The following ABCB1 variants were observed in gnomAD, a reference collection of about 807,000 sequenced individuals.
ABCB1 encodes ATP-dependent translocase ABCB1.
In ABCB1, 69 loss-of-function variants were observed where a neutral mutation model predicts 142.0. That is an observed-to-expected ratio of 0.49 (90% CI 0.40 to 0.59). ABCB1 has a LOEUF of 0.59. Ranked by LOEUF, ABCB1 falls within the 20% of genes least tolerant of loss-of-function variation. The probability of loss-of-function intolerance (pLI) is 0.00; values close to 1 mark genes in which losing one functional copy is unlikely to be tolerated. For missense variants in ABCB1, 1,326 were observed against 1,554.7 expected (o/e 0.85, Z 2.47); for synonymous variants, 532 against 539.2 (o/e 0.99, Z 0.18).
chr7:87,622,802 G>T (rs1820271551), intron 1 of ABCB1, among the ~76,000 whole-genome samples: 1 of 152,032 alleles, frequency 6.6e-6, no homozygotes, highest in African/African-American at 2.4e-5. Context: ...GGGCCAAGAA[G>T]GGAGGATCGC....
intron 4 of ABCB1, among the ~76,000 whole-genome samples, chr7:87,574,512 C>T (rs1003903893): frequency 3.0e-4 from 45 of 152,114 alleles, no homozygotes; most frequent in African/African-American, 9.7e-4. Context: ...CCCTTTCTAG[C>T]GTCAACTCAC....
Position 87,570,787 on chromosome 7 carries a change from A to T in ABCB1, c.287-564T>A, listed in dbSNP as rs561697104. 2.8e-4 allele frequency among the ~76,000 whole-genome samples: 43 copies of T among 152,278 alleles called. 1 individual carries two copies. The highest frequency in any genetic ancestry group is 1.0e-3 in the African/African-American group (43 of 41,580). ...CACAGACACACACACACACACTCAG[A>T]CACATATACACACACGAGCACAATT... On this transcript the variant is annotated intron_variant, in intron 4 of 27. Coordinates refer to ENST00000622132, the MANE Select transcript of ABCB1 (RefSeq NM_001348946.2).
chr7:87,519,074 C>G (rs1027594960), intron 23 of ABCB1: 1 of 542,358 alleles, frequency 1.8e-6, no homozygotes, highest in Admixed American at 3.2e-5. Context: ...CGAATGGAAT[C>G]ACTCCACTCA....
chr7:87,558,495 ATACT>A, intron 8 of ABCB1, among the ~76,000 whole-genome samples: 1 of 152,146 alleles, frequency 6.6e-6, no homozygotes, highest in Admixed American at 6.5e-5. Flanking sequence ...CTATTTTCCA[ATACT>A]TACTGTTTTT....
At chr7:87,649,000 CAA>C (rs1282037099) in intron 1 of ABCB1, among the ~76,000 whole-genome samples, 1 of 151,956 alleles carries the variant, frequency 6.6e-6, no homozygotes, top group Admixed American at 6.6e-5. Context: ...GCATAACTAT[CAA>C]GAGTAAAACC....
chr7:87,519,942 T>C (rs1291449470), intron 22 of ABCB1, among the ~76,000 whole-genome samples: 1 of 152,202 alleles, frequency 6.6e-6, no homozygotes, highest in Non-Finnish European at 1.5e-5. Flanking sequence ...TTACTATTTA[T>C]GCATTAGAGG....
chr7:87,588,361 G>A (rs1243393116), intron 3 of ABCB1, among the ~76,000 whole-genome samples: 1 of 152,092 alleles, frequency 6.6e-6, no homozygotes, highest in Admixed American at 6.5e-5. Context: ...AGGCCCCAAT[G>A]TGTGTTGTTC....
At chr7:87,519,555 G>A in intron 22 of ABCB1, 89 bp from the exon 23 acceptor site, 2 of 1,517,854 alleles carry the variant, frequency 1.3e-6, no homozygotes, top group South Asian at 2.3e-5. Context: ...AGGGCACAGA[G>A]GCATGACCAA....
intron 1 of ABCB1, among the ~76,000 whole-genome samples, chr7:87,706,306 AATACTGTAATCTG>A (rs1300009455): frequency 1.3e-5 from 2 of 152,128 alleles, no homozygotes; most frequent in Non-Finnish European, 2.9e-5. Context: ...TAAGTGATAG[AATACTGTAATCTG>A]ATTTCCATTT....
At chr7:87,599,329 A>T (rs1165695067) in intron 2 of ABCB1, among the ~76,000 whole-genome samples, 1 of 152,222 alleles carries the variant, frequency 6.6e-6, no homozygotes, top group East Asian at 1.9e-4. Context: ...TTACATTACC[A>T]ATATTATATA....
intron 1 of ABCB1, among the ~76,000 whole-genome samples, chr7:87,689,156 T>C (rs905891736): frequency 3.9e-5 from 6 of 152,088 alleles, no homozygotes; most frequent in African/African-American, 1.4e-4. Context: ...ATAAATTCTA[T>C]TATTGATAAA....
intron 1 of ABCB1, chr7:87,693,986 C>T (rs1273492495): frequency 3.1e-6 from 5 of 1,610,654 alleles, no homozygotes; most frequent in Non-Finnish European, 4.2e-6. Context: ...TGTCTCCCGC[C>T]ACTGAGCTGC....
intron 25 of ABCB1, among the ~76,000 whole-genome samples, chr7:87,512,521 T>C (rs966975308): frequency 1.3e-5 from 2 of 152,220 alleles, no homozygotes; most frequent in African/African-American, 4.8e-5. Context: ...TTTTTCAACA[T>C]GGGATTCAAG....
chr7:87,694,935 G>A (rs1238550134), intron 1 of ABCB1, among the ~76,000 whole-genome samples: 2 of 152,054 alleles, frequency 1.3e-5, no homozygotes. Flanking sequence ...TTAGATATTT[G>A]TATATGTTTG....
intron 1 of ABCB1, among the ~76,000 whole-genome samples, chr7:87,614,602 T>C (rs983584044): frequency 6.6e-6 from 1 of 152,204 alleles, no homozygotes; most frequent in African/African-American, 2.4e-5. Flanking sequence ...TTTTTCAAGA[T>C]GAATCTTGTG....
chr7:87,559,887 A>G (rs1817482397), intron 8 of ABCB1, among the ~76,000 whole-genome samples: 1 of 152,178 alleles, frequency 6.6e-6, no homozygotes, highest in South Asian at 2.1e-4. Context: ...TGTTGGGCAT[A>G]TTATTTTTCT....
intron 5 of ABCB1, among the ~76,000 whole-genome samples, chr7:87,568,336 G>T (rs758018564): frequency 1.3e-5 from 2 of 148,530 alleles, no homozygotes; most frequent in African/African-American, 2.5e-5. Flanking sequence ...CAGGAGAATC[G>T]CTTGAAGGCA....
chr7:87,558,858 G>T (rs909794153), intron 8 of ABCB1, among the ~76,000 whole-genome samples: 17 of 151,664 alleles, frequency 1.1e-4, no homozygotes, highest in African/African-American at 4.1e-4. Context: ...TATTAATATG[G>T]TTAATTATAT....
chr7:87,551,580 CT>C (rs1817070324), intron 9 of ABCB1, among the ~76,000 whole-genome samples: 2 of 152,134 alleles, frequency 1.3e-5, no homozygotes, highest in Non-Finnish European at 2.9e-5. Flanking sequence ...CAACTTCAAC[CT>C]CTGGGTTCAG....
Sources: gnomAD v4.1 joint callset for allele counts (sites outside exome capture counted in the v4.1 genomes callset) on GRCh38, gnomAD v4.1.1 for gene constraint, MANE v1.5 for transcripts, NCBI Gene and HGNC (gene_info 2026-07-23, HGNC 2026-07-21) for gene names.